Variants in PPP4R3B observed in about 807,000 individuals in gnomAD.
PPP4R3B encodes protein phosphatase 4 regulatory subunit 3B.
PPP4R3B carries 52 observed loss-of-function variants against 95.4 expected under a neutral mutation model. The ratio of observed to expected loss-of-function variants is 0.54; its 90% CI spans 0.44 to 0.69. The LOEUF (loss-of-function observed/expected upper bound fraction) is 0.69. PPP4R3B is among the 30% of genes least tolerant of loss of function. The pLI is 0.00. For missense variants in PPP4R3B, 1,003 were observed against 1,005.9 expected (o/e 1.00, Z 0.04); for synonymous variants, 407 against 343.9 (o/e 1.18, Z -2.03).
chr2:55,561,008 G>A (rs1343855385), intron 15 of PPP4R3B, among the ~76,000 whole-genome samples: 2 of 152,132 alleles, frequency 1.3e-5, no homozygotes, highest in Non-Finnish European at 2.9e-5. Flanking sequence ...AAGTAACAAG[G>A]AGCCAAATGT....
At chr2:55,557,023 A>G (rs1685930906) in intron 16 of PPP4R3B, among the ~76,000 whole-genome samples, 1 of 152,158 alleles carries the variant, frequency 6.6e-6, no homozygotes, top group African/African-American at 2.4e-5. Flanking sequence ...TGATCACACC[A>G]CTGCACTCCA....
At chr2:55,562,370 CG>C (rs1686743231) in intron 15 of PPP4R3B, among the ~76,000 whole-genome samples, 1 of 152,034 alleles carries the variant, frequency 6.6e-6, no homozygotes, top group African/African-American at 2.4e-5. Flanking sequence ...TGCAGTGAGC[CG>C]AGATCACGCC....
At chr2:55,560,250 T>C (rs556373851) in intron 15 of PPP4R3B, among the ~76,000 whole-genome samples, 1 of 152,344 alleles carries the variant, frequency 6.6e-6, no homozygotes, top group Admixed American at 6.5e-5. Context: ...TAAAGACTTG[T>C]TGACTGGTTT....
At chr2:55,611,423 T>C (rs1684534626) in intron 2 of PPP4R3B, among the ~76,000 whole-genome samples, 1 of 152,246 alleles carries the variant, frequency 6.6e-6, no homozygotes, top group African/African-American at 2.4e-5. Context: ...TCATGTTGTA[T>C]CATATAATGA....
intron 2 of PPP4R3B, among the ~76,000 whole-genome samples, chr2:55,605,540 T>C (rs1206232941): frequency 6.6e-6 from 1 of 152,204 alleles, no homozygotes; most frequent in Non-Finnish European, 1.5e-5. Flanking sequence ...ACCTTCTTCC[T>C]GGCTATGCTT....
chr2:55,572,600 T>C (rs1257601847), intron 12 of PPP4R3B, among the ~76,000 whole-genome samples: 1 of 152,216 alleles, frequency 6.6e-6, no homozygotes, highest in African/African-American at 2.4e-5. Context: ...AGTGCTTCAA[T>C]TTTGGCGGAA....
intron 2 of PPP4R3B, among the ~76,000 whole-genome samples, chr2:55,605,648 C>A (rs975814571): frequency 6.6e-6 from 1 of 152,084 alleles, no homozygotes; most frequent in African/African-American, 2.4e-5. Context: ...AGGCTCACAC[C>A]TGTAATCCCA....
At chr2:55,595,821 G>C (rs1691694364) in intron 4 of PPP4R3B, among the ~76,000 whole-genome samples, 1 of 151,512 alleles carries the variant, frequency 6.6e-6, no homozygotes, top group Non-Finnish European at 1.5e-5. Flanking sequence ...GAGGGGCTCA[G>C]GGACTTCCAG....
chr2:55,579,605 T>C, intron 9 of PPP4R3B, 74 bp downstream of exon 9: 1 of 987,418 alleles, frequency 1.0e-6, no homozygotes, highest in South Asian at 2.0e-5. Flanking sequence ...TCAAGTAAAT[T>C]GCCTGTTAGT....
chr2:55,573,874 C>A, intron 11 of PPP4R3B, 97 bp from the exon 12 acceptor site: 4 of 631,704 alleles, frequency 6.3e-6, no homozygotes, highest in Non-Finnish European at 9.4e-6. Flanking sequence ...AAAATCTAAA[C>A]TGTATTTCCT....
chr2:55,585,255 C>G lies in PPP4R3B; in HGVS notation c.1117-88G>C. The G allele has an allele frequency of 3.4e-6, 3 of 884,790 alleles. No homozygotes were observed. The South Asian group carries it at 5.7e-5, about 17-fold the overall frequency. 54.8% of individuals were successfully genotyped at this position (884,790 alleles called of 1,614,324 possible). A position where few individuals can be genotyped will look rare whatever the true frequency, so the allele number is the denominator to read the frequency against. ...TTTCTTTTCCAAATCCATACACTAG[C>G]TCTCAACTTTTTGGATTAAGATGTT... On this transcript the variant is annotated intron_variant, in intron 6 of 16. Transcript: ENST00000616407.
At chr2:55,595,916 A>C (rs1691706821) in intron 4 of PPP4R3B, among the ~76,000 whole-genome samples, 1 of 152,246 alleles carries the variant, frequency 6.6e-6, no homozygotes, top group Non-Finnish European at 1.5e-5. Flanking sequence ...TGGAAATAAC[A>C]AAAGCAGTTA....
chr2:55,591,728 A>G (rs1691050875), intron 4 of PPP4R3B: 1 of 835,360 alleles, frequency 1.2e-6, no homozygotes, highest in South Asian at 5.5e-5. Context: ...AGGCAATCTC[A>G]ATTATTACAG....
intron 1 of PPP4R3B, chr2:55,616,699 A>T (rs1216823270): frequency 6.6e-6 from 1 of 152,668 alleles, no homozygotes; most frequent in Non-Finnish European, 1.5e-5. Flanking sequence ...GCACCTGTCG[A>T]CTGTGGCACC....
intron 2 of PPP4R3B, among the ~76,000 whole-genome samples, chr2:55,609,583 G>C (rs1572736455): frequency 6.6e-6 from 1 of 151,314 alleles, no homozygotes; most frequent in South Asian, 2.1e-4. Context: ...TGAGGTGGGA[G>C]CCTGAGCGCA....
rs1184503384 is a variant in PPP4R3B at position 55,549,369 on chromosome 2, G to T, written c.*542C>A. 1 of 152,866 alleles carries T rather than the reference G, an allele frequency of 6.5e-6. No homozygotes were observed. The highest frequency in any genetic ancestry group is 2.4e-5 in the African/African-American group (1 of 41,362). 9.5% of individuals were successfully genotyped at this position (152,866 alleles called of 1,614,324 possible). On this transcript the variant is annotated 3_prime_UTR_variant, in exon 17 of 17. Transcript: ENST00000616407. ...GTACTTCCCTTCAACTACCTAAAAGGCTGAACTTTTGTTAAATCTTAAAGA... is the reference window on the plus strand; with the variant it reads ...GTACTTCCCTTCAACTACCTAAAAGTCTGAACTTTTGTTAAATCTTAAAGA...
At chr2:55,569,227 G>A (rs1687671105) in intron 12 of PPP4R3B, among the ~76,000 whole-genome samples, 2 of 152,142 alleles carry the variant, frequency 1.3e-5, no homozygotes, top group Non-Finnish European at 2.9e-5. Flanking sequence ...CAGCGTCTGG[G>A]AAGATGCCCG....
rs145213522 is a variant in PPP4R3B at position 55,613,971 on chromosome 2, T to C, written c.198+1480A>G. 2.0e-4 allele frequency among the ~76,000 whole-genome samples: 31 copies of C among 152,292 alleles called. No individual in the cohort carries two copies. The East Asian group carries it at 5.6e-3, about 27-fold the overall frequency. ...TTACTTAAATGTCTACCTTACAATG[T>C]CTAAGGTATAGGAAACATCTTCAGG... On this transcript the variant is annotated intron_variant, in intron 2 of 16. Transcript: ENST00000616407.
chr2:55,554,590 T>C (rs1458284610), intron 16 of PPP4R3B, among the ~76,000 whole-genome samples: 3 of 152,264 alleles, frequency 2.0e-5, no homozygotes, highest in Non-Finnish European at 4.4e-5. Context: ...TTGTCCATTT[T>C]AAAACGGGGT....
Sources: allele counts gnomAD v4.1 joint callset (sites outside exome capture counted in the v4.1 genomes callset), GRCh38; gene constraint gnomAD v4.1.1; transcripts MANE v1.5; gene names NCBI Gene and HGNC (gene_info 2026-07-23, HGNC 2026-07-21).